Variants in GNAQ observed in about 807,000 individuals in gnomAD.
GNAQ encodes G protein subunit alpha q.
Under a neutral mutation model 43.9 loss-of-function variants are expected in GNAQ, and 8 were observed. That is an observed-to-expected ratio of 0.18 (90% CI 0.11 to 0.33). GNAQ has a LOEUF of 0.33. Among genes scored for constraint, GNAQ ranks in the 10% least tolerant of loss-of-function variants. The pLI, the probability that GNAQ is intolerant of heterozygous loss-of-function variation, is 1.00. For synonymous variants in GNAQ, 155 were observed against 170.7 expected, an observed-to-expected ratio of 0.91 and a Z score of 0.71; for missense variants, 158 against 450.8, an observed-to-expected ratio of 0.35 and a Z score of 5.88.
chr9:77,864,135 A>G (rs1587372566), intron 2 of GNAQ, among the ~76,000 whole-genome samples: 2 of 150,576 alleles, frequency 1.3e-5, no homozygotes, highest in East Asian at 3.9e-4. Context: ...ATGGCAAGAG[A>G]GGAAGGAAGA....
chr9:77,792,891 T>C (rs143453132), intron 5 of GNAQ, among the ~76,000 whole-genome samples: 1,857 of 152,208 alleles, frequency 0.012, 38 homozygotes, highest in African/African-American at 0.041. Context: ...TTTCCCCCTA[T>C]GGCTTATTCT....
At chr9:77,937,361 C>T (rs1363523592) in intron 1 of GNAQ, among the ~76,000 whole-genome samples, 1 of 151,612 alleles carries the variant, frequency 6.6e-6, no homozygotes, top group Non-Finnish European at 1.5e-5. Flanking sequence ...TTGCTTGAAC[C>T]CAGGATGAGG....
rs544303775 is a variant in GNAQ, at chr9:78,009,755, T to C, written c.136+21345A>G. On this transcript the variant is annotated intron_variant, in intron 1 of 6. Coordinates refer to ENST00000286548, the MANE Select transcript of GNAQ (RefSeq NM_002072.5). Reference sequence around the variant, plus strand: ...ATTGGGAATAAAGTTTAAATGAATCTGATCTTGGAAGGATGTTCCCAGAAT... The same window carrying C: ...ATTGGGAATAAAGTTTAAATGAATCCGATCTTGGAAGGATGTTCCCAGAAT... Among the ~76,000 whole-genome samples the C allele has an allele frequency of 2.0e-5, 3 of 152,264 alleles. No homozygotes were observed. The East Asian group carries it at 5.8e-4, about 29-fold the overall frequency.
intron 1 of GNAQ, among the ~76,000 whole-genome samples, chr9:77,966,979 C>T (rs1023928518): frequency 1.3e-5 from 2 of 152,156 alleles, no homozygotes; most frequent in African/African-American, 2.4e-5. Flanking sequence ...CGTCAGCGGC[C>T]GCTTTGAACC....
At chr9:77,842,702 A>G (rs919193054) in intron 2 of GNAQ, among the ~76,000 whole-genome samples, 1 of 152,104 alleles carries the variant, frequency 6.6e-6, no homozygotes, top group African/African-American at 2.4e-5. Context: ...TCTTGGATGA[A>G]TAGCACCTCT....
intron 1 of GNAQ, chr9:78,030,703 C>T (rs1824041387): frequency 2.7e-6 from 1 of 376,202 alleles, no homozygotes; most frequent in Non-Finnish European, 5.5e-6. Context: ...CCATGGGGTG[C>T]CGCGGCCACG....
intron 2 of GNAQ, among the ~76,000 whole-genome samples, chr9:77,891,671 T>C (rs2296937): frequency 0.12 from 17,912 of 152,254 alleles, 1,186 homozygotes; most frequent in East Asian, 0.25. Flanking sequence ...TCCATTTTGC[T>C]TGCCCTATTA....
At chr9:77,958,459 C>T (rs776052982) in intron 1 of GNAQ, among the ~76,000 whole-genome samples, 3 of 152,088 alleles carry the variant, frequency 2.0e-5, no homozygotes, top group Non-Finnish European at 4.4e-5. Flanking sequence ...TCATATTCTG[C>T]AATATTGTGA....
chr9:77,839,759 T>C (rs1191306739), intron 2 of GNAQ, among the ~76,000 whole-genome samples: 2 of 152,354 alleles, frequency 1.3e-5, no homozygotes, highest in Admixed American at 1.3e-4. Flanking sequence ...TAAATTTAGG[T>C]GGGTGGAAGC....
intron 1 of GNAQ, among the ~76,000 whole-genome samples, chr9:77,965,883 G>C (rs1361553338): frequency 6.7e-6 from 1 of 149,664 alleles, no homozygotes; most frequent in Non-Finnish European, 1.5e-5. Flanking sequence ...ACCTATGCAT[G>C]AATGTTCACA....
chr9:77,899,756 T>G (rs970200707), intron 2 of GNAQ, among the ~76,000 whole-genome samples: 2 of 152,118 alleles, frequency 1.3e-5, no homozygotes, highest in Non-Finnish European at 2.9e-5. Context: ...CTCAGAGAAC[T>G]TGGGCAGAGA....
At chr9:77,982,682 G>A (rs2118499119) in intron 1 of GNAQ, among the ~76,000 whole-genome samples, 1 of 150,790 alleles carries the variant, frequency 6.6e-6, no homozygotes, top group Admixed American at 6.6e-5. Flanking sequence ...AGTGAAAGAT[G>A]CATTCTCATT....
rs375369926 is a variant in GNAQ, at chr9:77,997,428, C to T, written c.136+33672G>A. ...CTCCAGCTCCAACTTCCTCTGCCATCGAATTCTCTGTCTCCAATTGCTTCT... is the reference window on the plus strand; with the variant it reads ...CTCCAGCTCCAACTTCCTCTGCCATTGAATTCTCTGTCTCCAATTGCTTCT... On this transcript the variant is annotated intron_variant, in intron 1 of 6. Coordinates refer to ENST00000286548, the MANE Select transcript of GNAQ (RefSeq NM_002072.5). 3.3e-5 allele frequency among the ~76,000 whole-genome samples: 5 copies of T among 152,334 alleles called. No homozygotes were observed. In the East Asian group the frequency reaches 5.8e-4, roughly 18 times the overall value.
intron 1 of GNAQ, among the ~76,000 whole-genome samples, chr9:78,023,988 G>A (rs1279068353): frequency 2.3e-5 from 3 of 130,236 alleles, no homozygotes; most frequent in South Asian, 2.4e-4. Context: ...TAACATTTTC[G>A]TTCCCAACTG....
chr9:77,743,971 T>G (rs1006326123), intron 5 of GNAQ, among the ~76,000 whole-genome samples: 1 of 152,182 alleles, frequency 6.6e-6, no homozygotes, highest in Non-Finnish European at 1.5e-5. Context: ...CCTCTGACTT[T>G]AGGAATGTAA....
intron 5 of GNAQ, among the ~76,000 whole-genome samples, chr9:77,757,140 CT>C (rs997147047): frequency 2.0e-5 from 3 of 152,146 alleles, no homozygotes; most frequent in African/African-American, 7.2e-5. Context: ...GAAATTATTC[CT>C]GTGAAATAGA....
chr9:78,012,160 T>TA (rs200008254), intron 1 of GNAQ, among the ~76,000 whole-genome samples: 1,626 of 151,448 alleles, frequency 0.011, 26 homozygotes, highest in African/African-American at 0.038. Flanking sequence ...GCAAGGTAGG[T>TA]AAAAAAGAGG....
intron 1 of GNAQ, among the ~76,000 whole-genome samples, chr9:77,941,903 T>TACAC (rs1320268340): frequency 1.5e-4 from 14 of 90,406 alleles, no homozygotes; most frequent in African/African-American, 5.9e-4. Context: ...ACATACAACA[T>TACAC]ACATACACAC....
At chr9:77,736,885 A>T (rs1401040233) in intron 5 of GNAQ, among the ~76,000 whole-genome samples, 3 of 152,208 alleles carry the variant, frequency 2.0e-5, no homozygotes, top group African/African-American at 7.2e-5. Flanking sequence ...ATTTCAGTTA[A>T]GTGACCAACC....
Sources: allele counts gnomAD v4.1 joint callset (sites outside exome capture counted in the v4.1 genomes callset), GRCh38; gene constraint gnomAD v4.1.1; transcripts MANE v1.5; gene names NCBI Gene and HGNC (gene_info 2026-07-23, HGNC 2026-07-21).